The following POLR2B variants were observed in gnomAD, a reference collection of about 807,000 sequenced individuals.
POLR2B encodes DNA-directed RNA polymerase II subunit RPB2.
In POLR2B, 57 loss-of-function variants were observed where a neutral mutation model predicts 144.6. That is an observed-to-expected ratio of 0.39 (90% confidence interval 0.32 to 0.49). The LOEUF (loss-of-function observed/expected upper bound fraction) is 0.49. POLR2B is among the 20% of genes least tolerant of loss of function. The probability of loss-of-function intolerance (pLI) is 0.83; values close to 1 mark genes in which losing one functional copy is unlikely to be tolerated. For missense variants in POLR2B, 595 were observed against 1,467.4 expected (o/e 0.41, Z 9.71); for synonymous variants, 442 against 469.8 (o/e 0.94, Z 0.77).
chr4:57,029,213 A>G (rs1471412527), intron 23 of POLR2B, among the ~76,000 whole-genome samples: 1 of 152,106 alleles, frequency 6.6e-6, no homozygotes, highest in Non-Finnish European at 1.5e-5. Context: ...TGATTTTAGC[A>G]GCTATTACTA....
At chr4:56,996,278 A>ATTTTTT (rs869299001) in intron 6 of POLR2B, among the ~76,000 whole-genome samples, 17 of 59,742 alleles carry the variant, frequency 2.8e-4, no homozygotes, top group East Asian at 2.3e-3. Flanking sequence ...ATATATATAT[A>ATTTTTT]TTTTTTTTTT....
At chr4:57,007,542 A>T (rs1023150121) in intron 10 of POLR2B, among the ~76,000 whole-genome samples, 2 of 152,256 alleles carry the variant, frequency 1.3e-5, no homozygotes, top group Non-Finnish European at 2.9e-5. Context: ...TAATTAAAAA[A>T]TTAGAGTAGC....
intron 1 of POLR2B, among the ~76,000 whole-genome samples, chr4:56,983,704 C>T (rs374943267): frequency 7.9e-5 from 12 of 152,030 alleles, no homozygotes; most frequent in East Asian, 3.9e-4. Context: ...ACGGGGGTCT[C>T]GCTTTGTGGC....
chr4:57,002,368 T>C (rs1560476865), intron 7 of POLR2B, among the ~76,000 whole-genome samples: 2 of 152,136 alleles, frequency 1.3e-5, no homozygotes, highest in Admixed American at 6.6e-5. Context: ...AAATATGATA[T>C]GCTTTATGTA....
intron 7 of POLR2B, among the ~76,000 whole-genome samples, chr4:57,000,483 C>T (rs1722816051): frequency 6.6e-6 from 1 of 152,138 alleles, no homozygotes; most frequent in Middle Eastern, 3.2e-3. Flanking sequence ...GCTCTTCACC[C>T]AAATTCAACA....
Position 56,994,816 on chromosome 4 carries a change from G to A in POLR2B, c.526G>A (p.Glu176Lys), listed in dbSNP as rs1221391755. Residue 176 changes from glutamate to lysine, a missense_variant, in exon 5 of 25, where the codon GAA (glutamate) becomes AAA (lysine). By Grantham distance (56) the Glu-to-Lys change is moderately conservative (BLOSUM62 1). Transcript: ENST00000314595. ...AGATCGTGATCTTTGTGAGTTAAAT[G>A]AATGCCCTTTGGATCCTGGTGGCTA... ...LTDRDLCELN[E>K]CPLDPGGYFI... 6.2e-6 allele frequency: 10 copies of A among 1,612,518 alleles called. No individual in the cohort carries two copies.
rs140880508 is a variant in POLR2B, at chr4:57,028,755, C to CTT, written c.3240-1448_3240-1447insTT. On this transcript the variant is annotated intron_variant, in intron 23 of 24. Transcript: ENST00000314595. ...TCTCAGGCGGTCCATGAACCACACT[C>CTT]TGAGAACCTCTGCTCTAAAAGATTA... Among the ~76,000 whole-genome samples the CTT allele has an allele frequency of 8.6e-3, 1,304 of 152,342 alleles. 15 individuals are homozygous for CTT. The highest frequency in any genetic ancestry group is 0.03 in the African/African-American group (1,260 of 41,574).
Position 57,017,849 on chromosome 4 carries a change from A to G in POLR2B, c.2323+121A>G, listed in dbSNP as rs1373737627. 1.4e-5 allele frequency: 9 copies of G among 628,170 alleles called. No individual in the cohort carries two copies. The East Asian group carries it at 2.3e-4, about 16-fold the overall frequency. The allele number at this position is 628,170 out of a possible 1,614,324, so 38.9% of individuals were successfully genotyped here. A position where few individuals can be genotyped will look rare whatever the true frequency, so the allele number is the denominator to read the frequency against. On this transcript the variant is annotated intron_variant, in intron 16 of 24. Coordinates refer to ENST00000314595, the MANE Select transcript of POLR2B (RefSeq NM_000938.3). This position sits in a 1 kb window ranked among gnomAD's most constrained non-coding sequence, Gnocchi z 4.8. ...TGCCTGTTCTCACGGAATTTATAAT[A>G]TGGTGGGAAACATGAACATAATAAA...
intron 7 of POLR2B, among the ~76,000 whole-genome samples, 196 bp downstream of exon 7, chr4:56,999,977 A>G (rs911118143): frequency 2.0e-5 from 3 of 152,284 alleles, no homozygotes; most frequent in African/African-American, 7.2e-5. Context: ...TAAAATAGAC[A>G]TGAAAACCAG....
intron 10 of POLR2B, among the ~76,000 whole-genome samples, chr4:57,009,054 C>T (rs868648888): frequency 1.3e-5 from 2 of 152,048 alleles, no homozygotes. Flanking sequence ...AAGATTGTTG[C>T]AACAGCCTGG....
intron 13 of POLR2B, among the ~76,000 whole-genome samples, chr4:57,014,745 CCA>C (rs1356886177): frequency 2.1e-5 from 3 of 143,770 alleles, no homozygotes; most frequent in Middle Eastern, 4.4e-3. Context: ...ACCTCGTGAT[CCA>C]TCCACCTCGG....
intron 1 of POLR2B, among the ~76,000 whole-genome samples, chr4:56,982,627 C>CT (rs529715998): frequency 2.6e-5 from 4 of 151,372 alleles, no homozygotes; most frequent in Admixed American, 6.6e-5. Flanking sequence ...AATGTACAGA[C>CT]TTTTTTTTTC....
chr4:57,013,052 C>A (rs1301001125), intron 13 of POLR2B, among the ~76,000 whole-genome samples: 1 of 151,904 alleles, frequency 6.6e-6, no homozygotes, highest in Non-Finnish European at 1.5e-5. Flanking sequence ...TGTTGGCCAG[C>A]CTGGTCTCGA....
In POLR2B at chr4:57,005,714, T is replaced by C; in HGVS notation, c.1212T>C (p.Phe404=). ...CTGGGCCGCTGCTTGCATTCTTATTTAGAGGGTAAGGAATTACAGAATGAA... is the reference window on the plus strand; with the variant it reads ...CTGGGCCGCTGCTTGCATTCTTATTCAGAGGGTAAGGAATTACAGAATGAA... ...DLAGPLLAFL[F]RGMFKNLLKE... Residue 404 remains phenylalanine (F), a synonymous_variant, in exon 9 of 25, where the codon TTT becomes TTC. Transcript: ENST00000314595. 1 of 1,611,102 alleles carries C rather than the reference T, an allele frequency of 6.2e-7. No individual in the cohort carries two copies. Among genetic ancestry groups the C allele is most frequent in the Non-Finnish European group, 8.5e-7 (1 of 1,178,974 alleles).
At chr4:57,025,682 T>C in intron 23 of POLR2B, 145 bp downstream of exon 23, 1 of 587,672 alleles carries the variant, frequency 1.7e-6, no homozygotes, top group Non-Finnish European at 3.1e-6. Context: ...GCCAGTCTTG[T>C]TGCATTCATC....
intron 7 of POLR2B, among the ~76,000 whole-genome samples, chr4:57,002,309 G>A (rs1392554128): frequency 6.6e-6 from 1 of 152,136 alleles, no homozygotes; most frequent in Non-Finnish European, 1.5e-5. Flanking sequence ...GATTACAGGC[G>A]TGAACCACCG....
At chr4:57,021,858 G>A (rs1355941194) in intron 17 of POLR2B, among the ~76,000 whole-genome samples, 5 of 152,098 alleles carry the variant, frequency 3.3e-5, no homozygotes, top group Non-Finnish European at 5.9e-5. Flanking sequence ...ATCTTTCAGG[G>A]TTATTATGTA....
At chr4:57,030,116 C>G in intron 23 of POLR2B, 88 bp from the exon 24 acceptor site, 1 of 1,075,366 alleles carries the variant, frequency 9.3e-7, no homozygotes, top group Non-Finnish European at 1.4e-6. Context: ...TCCGTCTTTG[C>G]AAATATTATT....
Position 57,023,471 on chromosome 4 carries a change from G to T in POLR2B, c.2657G>T (p.Arg886Leu). 1 of 1,614,026 alleles carries T rather than the reference G, an allele frequency of 6.2e-7. No individual in the cohort carries two copies. Among genetic ancestry groups the T allele is most frequent in the Non-Finnish European group, 8.5e-7 (1 of 1,179,940 alleles). The change falls in exon 19 of 25, where the codon CGC becomes CTC. Residue 886 changes from arginine to leucine, a missense_variant. By Grantham distance (102) the Arg-to-Leu change is moderately radical. This residue lies in a region of POLR2B where 75 missense variants were observed against 100.0 expected (regional missense o/e 0.75). Transcript: ENST00000314595. The surrounding 1 kb of genome is among the most constrained non-coding windows in gnomAD (Gnocchi z 4.3). ...NEDELESTNR[R>L]YTKRDCSTFL... Reference sequence around the variant, plus strand: ...GATGAATTGGAGAGCACCAATAGACGCTATACCAAGAGAGACTGTAGCACT... The same window carrying T: ...GATGAATTGGAGAGCACCAATAGACTCTATACCAAGAGAGACTGTAGCACT...
Sources: gnomAD v4.1 joint callset for allele counts (sites outside exome capture counted in the v4.1 genomes callset) on GRCh38, gnomAD v4.1.1 for gene constraint, gnomAD v4.1.1 regional missense constraint, Gnocchi (gnomAD v3.1) non-coding constraint, MANE v1.5 for transcripts, NCBI Gene and HGNC (gene_info 2026-07-23, HGNC 2026-07-21) for gene names.